Variants in KCNH5 observed in about 807,000 individuals in gnomAD.
The protein encoded by KCNH5 is voltage-gated delayed rectifier potassium channel KCNH5.
Under a neutral mutation model 96.1 loss-of-function variants are expected in KCNH5, and 46 were observed. That is an observed-to-expected ratio of 0.48 (90% CI 0.38 to 0.61). KCNH5 has a LOEUF of 0.61. Among genes scored for constraint, KCNH5 ranks in the 20% least tolerant of loss-of-function variants. The pLI is 0.00. For missense variants in KCNH5, 907 were observed against 1,225.8 expected, an observed-to-expected ratio of 0.74 and a Z score of 3.88; for synonymous variants, 439 against 449.8, an observed-to-expected ratio of 0.98 and a Z score of 0.30.
chr14:62,770,125 A>C (rs1885953767), intron 10 of KCNH5, among the ~76,000 whole-genome samples: 1 of 152,218 alleles, frequency 6.6e-6, no homozygotes, highest in Non-Finnish European at 1.5e-5. Context: ...AAAAAAAAGT[A>C]GTTGGAACAC....
At chr14:62,995,440 G>T (rs149980597) in intron 4 of KCNH5, among the ~76,000 whole-genome samples, 5 of 152,154 alleles carry the variant, frequency 3.3e-5, no homozygotes, top group Non-Finnish European at 7.4e-5. Context: ...TCAACTCCCA[G>T]ATCTTTGAAG....
intron 10 of KCNH5, among the ~76,000 whole-genome samples, chr14:62,746,640 GA>G (rs1457323304): frequency 6.6e-6 from 1 of 152,200 alleles, no homozygotes; most frequent in Non-Finnish European, 1.5e-5. Context: ...CTTTTAAAAT[GA>G]CAGTTCTCTC....
intron 9 of KCNH5, among the ~76,000 whole-genome samples, chr14:62,782,787 G>A (rs1280750513): frequency 1.3e-5 from 2 of 151,990 alleles, no homozygotes; most frequent in Admixed American, 1.3e-4. Flanking sequence ...CTCCAGCCTG[G>A]ATGACAGAGT....
In KCNH5 at chr14:62,746,035, C is replaced by T. The variant is rs1015015330; in HGVS notation, c.2019+33693G>A. 1.2e-4 allele frequency among the ~76,000 whole-genome samples: 18 copies of T among 152,144 alleles called. No homozygotes were observed. In the East Asian group the frequency reaches 2.9e-3, roughly 25 times the overall value. The stretch of plus-strand genomic sequence containing the variant: ...GTGGAGAACAAAATGGGGGAAGTGG[C>T]GACAGAGGCAAGACTAGAAGTTTCT... On this transcript the variant is annotated intron_variant, in intron 10 of 10. Transcript: ENST00000322893.
At chr14:62,717,211 C>A (rs897005432) in intron 10 of KCNH5, among the ~76,000 whole-genome samples, 1 of 152,022 alleles carries the variant, frequency 6.6e-6, no homozygotes, top group Non-Finnish European at 1.5e-5. Flanking sequence ...GCAATACTAC[C>A]CAAGTTAATC....
intron 9 of KCNH5, among the ~76,000 whole-genome samples, chr14:62,794,132 A>C (rs938411464): frequency 1.3e-5 from 2 of 152,022 alleles, no homozygotes; most frequent in African/African-American, 4.8e-5. Flanking sequence ...CAGTATTTAT[A>C]GATACTTAGT....
chr14:63,031,916 T>C (rs1458941983), intron 1 of KCNH5, among the ~76,000 whole-genome samples: 2 of 152,058 alleles, frequency 1.3e-5, no homozygotes, highest in Non-Finnish European at 2.9e-5. Context: ...GGAACAGCTT[T>C]TTAGGGGGTT....
At chr14:62,776,395 G>A (rs375209301) in intron 10 of KCNH5, among the ~76,000 whole-genome samples, 2 of 152,090 alleles carry the variant, frequency 1.3e-5, no homozygotes, top group Non-Finnish European at 2.9e-5. Flanking sequence ...TGGGAACACA[G>A]TGAGAAGCTG....
intron 4 of KCNH5, among the ~76,000 whole-genome samples, chr14:62,999,398 G>A (rs1890969996): frequency 6.6e-6 from 1 of 151,796 alleles, no homozygotes; most frequent in South Asian, 2.1e-4. Context: ...TTTTTTTCTT[G>A]TAAATTTGTT....
intron 8 of KCNH5, among the ~76,000 whole-genome samples, chr14:62,811,858 T>C (rs938810438): frequency 6.6e-6 from 1 of 152,192 alleles, no homozygotes; most frequent in Non-Finnish European, 1.5e-5. Context: ...TGATGATTAT[T>C]AAGCACTGGT....
intron 8 of KCNH5, among the ~76,000 whole-genome samples, chr14:62,805,800 G>A (rs1454539262): frequency 2.6e-5 from 4 of 152,096 alleles, no homozygotes; most frequent in African/African-American, 9.7e-5. Context: ...AGAGTTGTTT[G>A]TCCCCTCTTT....
At chr14:62,755,618 G>A (rs898518399) in intron 10 of KCNH5, among the ~76,000 whole-genome samples, 6 of 152,024 alleles carry the variant, frequency 3.9e-5, no homozygotes, top group Non-Finnish European at 8.8e-5. Flanking sequence ...ACCAAACAAA[G>A]ATGCATCGAA....
At chr14:62,895,232 T>C (rs960695409) in intron 7 of KCNH5, among the ~76,000 whole-genome samples, 2 of 152,188 alleles carry the variant, frequency 1.3e-5, no homozygotes, top group African/African-American at 4.8e-5. Flanking sequence ...TAGGAAATTA[T>C]AGAAAGATTC....
intron 5 of KCNH5, among the ~76,000 whole-genome samples, chr14:62,981,809 T>C (rs1024461472): frequency 1.3e-5 from 2 of 152,176 alleles, no homozygotes; most frequent in African/African-American, 4.8e-5. Flanking sequence ...CTCCCTTAGA[T>C]CTGGACTTAA....
intron 8 of KCNH5, among the ~76,000 whole-genome samples, chr14:62,838,975 T>C (rs1887520062): frequency 6.6e-6 from 1 of 151,620 alleles, no homozygotes; most frequent in Admixed American, 6.6e-5. Context: ...TTAGAAGAAA[T>C]AAGCTACAAA....
intron 7 of KCNH5, among the ~76,000 whole-genome samples, chr14:62,894,426 GTTTTC>G (rs1240585707): frequency 2.6e-5 from 4 of 152,226 alleles, no homozygotes; most frequent in Admixed American, 6.5e-5. Context: ...CAATTTAAGT[GTTTTC>G]TTTTATTTTG....
At position 62,700,779 on chromosome 14, in the gene KCNH5, T is replaced by A. The variant is rs531089945; in HGVS notation, c.*6729A>T. The A allele has an allele frequency of 2.0e-5, 3 of 152,200 alleles. No individual in the cohort carries two copies. The highest frequency in any genetic ancestry group is 7.2e-5 in the African/African-American group (3 of 41,470). 9.4% of individuals were successfully genotyped at this position (152,200 alleles called of 1,614,324 possible). ...GCTTCATCAGGAATCTTTCCCGCTA[T>A]AATTTGGTTGAAAAAGTTGAGGAGC... On this transcript the variant is annotated 3_prime_UTR_variant, in exon 11 of 11. Coordinates refer to ENST00000322893, the MANE Select transcript of KCNH5 (RefSeq NM_139318.5).
rs181994818 is a variant in KCNH5 at position 63,004,550 on chromosome 14, T to A, written c.304+1816A>T. ...GGAAAGACTTCTGGAAATGTAAAAT[T>A]CAAGTAATTACTAAGATGATTTAAA... On this transcript the variant is annotated intron_variant, in intron 3 of 10. Coordinates refer to ENST00000322893, the MANE Select transcript of KCNH5 (RefSeq NM_139318.5). Among the ~76,000 whole-genome samples the A allele has an allele frequency of 7.4e-3, 1,132 of 152,326 alleles. 5 individuals are homozygous for A. Among genetic ancestry groups the A allele is most frequent in the Admixed American group, 0.015 (228 of 15,294 alleles).
At chr14:62,930,875 A>G (rs143153892) in intron 7 of KCNH5, among the ~76,000 whole-genome samples, 108 of 152,290 alleles carry the variant, frequency 7.1e-4, no homozygotes, top group African/African-American at 2.5e-3. Context: ...AACTTTATCC[A>G]TGATGCTGGT....
Sources: gnomAD v4.1 joint callset for allele counts (sites outside exome capture counted in the v4.1 genomes callset) on GRCh38, gnomAD v4.1.1 for gene constraint, MANE v1.5 for transcripts, NCBI Gene and HGNC (gene_info 2026-07-23, HGNC 2026-07-21) for gene names.